Variants in IL1RAPL1 observed in about 807,000 individuals in gnomAD.
IL1RAPL1 encodes the protein interleukin-1 receptor accessory protein-like 1.
IL1RAPL1 carries 3 observed loss-of-function variants against 48.4 expected under a neutral mutation model. That is an observed-to-expected ratio of 0.06 (90% CI 0.03 to 0.16). IL1RAPL1 has a LOEUF of 0.16. Among genes scored for constraint, IL1RAPL1 ranks in the 10% least tolerant of loss-of-function variants. The pLI is 1.00. For missense variants in IL1RAPL1, 349 were observed against 530.6 expected, an observed-to-expected ratio of 0.66 and a Z score of 3.36; for synonymous variants, 185 against 187.7, an observed-to-expected ratio of 0.99 and a Z score of 0.12.
chrX:29,330,727 T>C (rs774813613), intron 3 of IL1RAPL1, among the ~76,000 whole-genome samples: 2 of 111,371 alleles, frequency 1.8e-5, no homozygotes, highest in African/African-American at 6.5e-5. Flanking sequence ...GTTGCTGAGG[T>C]TCTTATACTC....
At chrX:29,597,608 C>T (rs897558263) in intron 5 of IL1RAPL1, among the ~76,000 whole-genome samples, 3 of 111,974 alleles carry the variant, frequency 2.7e-5, no homozygotes, top group Non-Finnish European at 5.6e-5. Context: ...GGAATAGTGT[C>T]GATAGGATTG....
intron 2 of IL1RAPL1, among the ~76,000 whole-genome samples, chrX:29,248,876 G>A (rs1195356675): frequency 8.9e-6 from 1 of 111,961 alleles, no homozygotes; most frequent in East Asian, 2.8e-4. Flanking sequence ...TGTGTTTGCA[G>A]CCATTGTGTG....
intron 2 of IL1RAPL1, among the ~76,000 whole-genome samples, chrX:29,145,184 TG>T (rs1271987698): frequency 8.9e-6 from 1 of 112,082 alleles, no homozygotes; most frequent in Non-Finnish European, 1.9e-5. Context: ...TCATATCCTT[TG>T]GGGGTATTTC....
intron 5 of IL1RAPL1, among the ~76,000 whole-genome samples, chrX:29,544,470 T>A (rs1335477503): frequency 8.9e-6 from 1 of 111,838 alleles, no homozygotes; most frequent in East Asian, 2.8e-4. Flanking sequence ...AGAGATGGCA[T>A]GGAGCAGTAA....
chrX:28,990,176 A>G (rs995319162), intron 2 of IL1RAPL1, among the ~76,000 whole-genome samples: 35 of 111,878 alleles, frequency 3.1e-4, no homozygotes, highest in East Asian at 8.5e-4. Context: ...CCTACTCTCC[A>G]ATTGAACAGT....
chrX:29,864,399 T>C (rs754005294), intron 6 of IL1RAPL1, among the ~76,000 whole-genome samples: 91 of 112,226 alleles, frequency 8.1e-4, no homozygotes, highest in Admixed American at 2.0e-3. Context: ...GTTTTGGCTC[T>C]CTTTATCTCG....
At chrX:28,741,848 T>C (rs1935910891) in intron 1 of IL1RAPL1, among the ~76,000 whole-genome samples, 1 of 112,215 alleles carries the variant, frequency 8.9e-6, no homozygotes, top group Admixed American at 9.5e-5. Context: ...ACTATTTTGC[T>C]CCAAATACCT....
chrX:29,868,872 G>GT (rs1931749886), intron 6 of IL1RAPL1, among the ~76,000 whole-genome samples: 1 of 112,019 alleles, frequency 8.9e-6, no homozygotes, highest in South Asian at 3.7e-4. Context: ...GCTTGCATAT[G>GT]TTTTTTGCAT....
chrX:29,390,137 A>G (rs1388328042), intron 3 of IL1RAPL1, among the ~76,000 whole-genome samples: 1 of 112,427 alleles, frequency 8.9e-6, no homozygotes, highest in Non-Finnish European at 1.9e-5. Context: ...TGCTCTTTCC[A>G]CAATCTAACC....
At chrX:29,312,456 A>G (rs368261192) in intron 3 of IL1RAPL1, among the ~76,000 whole-genome samples, 3 of 111,110 alleles carry the variant, frequency 2.7e-5, no homozygotes, top group African/African-American at 9.8e-5. Flanking sequence ...TTGCATTTTT[A>G]TTTCTCTTAT....
intron 2 of IL1RAPL1, among the ~76,000 whole-genome samples, chrX:29,108,364 A>G (rs946925800): frequency 5.4e-5 from 6 of 110,444 alleles, no homozygotes; most frequent in South Asian, 3.8e-4. Flanking sequence ...GTTTATGGCT[A>G]TTACAAATAA....
At chrX:29,017,933 T>C (rs1481229201) in intron 2 of IL1RAPL1, among the ~76,000 whole-genome samples, 1 of 112,028 alleles carries the variant, frequency 8.9e-6, no homozygotes, top group African/African-American at 3.2e-5. Context: ...TTGCCTTGAC[T>C]GTCACTGTTT....
chrX:29,060,424 C>G (rs73210016), intron 2 of IL1RAPL1, among the ~76,000 whole-genome samples: 6,296 of 111,501 alleles, frequency 0.056, 207 homozygotes, highest in African/African-American at 0.11. Flanking sequence ...TTTCTGATCA[C>G]AATATCCATG....
chrX:29,265,822 C>T (rs948719470), intron 2 of IL1RAPL1, among the ~76,000 whole-genome samples: 41 of 109,546 alleles, frequency 3.7e-4, no homozygotes, highest in Non-Finnish European at 7.4e-4. Flanking sequence ...TATGGCTGCA[C>T]AGTATTCCAT....
chrX:29,512,614 C>A lies in IL1RAPL1; in HGVS notation c.703+113306C>A, dbSNP rs2143148. On this transcript the variant is annotated intron_variant, in intron 5 of 10. Coordinates refer to ENST00000378993, the MANE Select transcript of IL1RAPL1 (RefSeq NM_014271.4). ...GTTTAGAAGGTTAAACTGATGAATT[C>A]ACAGACAATTATACAAGCTTGTGCT... Among the ~76,000 whole-genome samples, 803 of 111,796 alleles carry A rather than the reference C, an allele frequency of 7.2e-3. 3 individuals carry two copies. The highest frequency in any genetic ancestry group is 0.025 in the African/African-American group (770 of 30,848).
At chrX:29,141,905 T>C (rs1232396635) in intron 2 of IL1RAPL1, among the ~76,000 whole-genome samples, 3 of 111,750 alleles carry the variant, frequency 2.7e-5, no homozygotes, top group African/African-American at 9.7e-5. Context: ...CACAAAACCA[T>C]TGGGTGATAT....
Position 29,063,371 on chromosome X carries a change from G to A in IL1RAPL1, c.83-219567G>A, listed in dbSNP as rs769386900. Among the ~76,000 whole-genome samples, 25 of 111,245 alleles carry A rather than the reference G, an allele frequency of 2.2e-4. No homozygotes were observed. The South Asian group carries it at 9.5e-3, about 42-fold the overall frequency. On this transcript the variant is annotated intron_variant, in intron 2 of 10. Coordinates refer to ENST00000378993, the MANE Select transcript of IL1RAPL1 (RefSeq NM_014271.4). Reference sequence around the variant, plus strand: ...TTCTATGTAGGTGTAATACATGGAAGTCTATATCCTCACTATGCACTGTTG... The same window carrying A: ...TTCTATGTAGGTGTAATACATGGAAATCTATATCCTCACTATGCACTGTTG...
intron 6 of IL1RAPL1, among the ~76,000 whole-genome samples, chrX:29,726,339 A>G (rs769367256): frequency 5.3e-5 from 6 of 112,369 alleles, no homozygotes; most frequent in Non-Finnish European, 9.4e-5. Flanking sequence ...CAAATGCATT[A>G]TACCTCACAT....
At chrX:29,495,736 T>C (rs1452889417) in intron 5 of IL1RAPL1, among the ~76,000 whole-genome samples, 1 of 112,039 alleles carries the variant, frequency 8.9e-6, no homozygotes, top group Non-Finnish European at 1.9e-5. Context: ...ACTAGTGATC[T>C]TGAATTCAAC....
Sources: gnomAD v4.1 joint callset for allele counts (sites outside exome capture counted in the v4.1 genomes callset) on GRCh38, gnomAD v4.1.1 for gene constraint, MANE v1.5 for transcripts, NCBI Gene and HGNC (gene_info 2026-07-23, HGNC 2026-07-21) for gene names.